The following C10orf67 variants were observed in gnomAD, a reference collection of about 807,000 sequenced individuals.
The protein encoded by C10orf67 is uncharacterized protein C10orf67, mitochondrial.
A neutral mutation model predicts 35.6 loss-of-function variants in C10orf67; 60 were observed. The ratio of observed to expected loss-of-function variants is 1.68; its 90% CI spans 1.37 to 2.09. The LOEUF (loss-of-function observed/expected upper bound fraction) is 2.09. Ranked by LOEUF, C10orf67 falls within the 30% of genes most tolerant of loss-of-function variation. The pLI is 0.00. For missense variants in C10orf67, 474 were observed against 330.2 expected, an observed-to-expected ratio of 1.44 and a Z score of -3.38; for synonymous variants, 167 against 115.8, an observed-to-expected ratio of 1.44 and a Z score of -2.84.
chr10:23,219,116 G>T (rs1841508686), intron 15 of C10orf67, among the ~76,000 whole-genome samples: 1 of 152,132 alleles, frequency 6.6e-6, no homozygotes, highest in East Asian at 1.9e-4. Flanking sequence ...TAAAAAGAAA[G>T]ATTTTAAATT....
intron 13 of C10orf67, among the ~76,000 whole-genome samples, chr10:23,226,054 T>C (rs1450266087): frequency 2.0e-5 from 3 of 151,962 alleles, no homozygotes; most frequent in Admixed American, 1.3e-4. Context: ...AACAAGGATA[T>C]CCAGGAATTG....
intron 12 of C10orf67, among the ~76,000 whole-genome samples, chr10:23,249,530 C>A (rs1299444626): frequency 2.0e-5 from 3 of 152,148 alleles, no homozygotes; most frequent in Non-Finnish European, 4.4e-5. Flanking sequence ...GGTGTTTTTG[C>A]CCTGAATCCT....
intron 4 of C10orf67, among the ~76,000 whole-genome samples, chr10:23,308,956 C>T (rs1465299037): frequency 6.6e-6 from 1 of 152,040 alleles, no homozygotes; most frequent in Admixed American, 6.5e-5. Context: ...ACCTTCCACC[C>T]CTATGTCCTT....
chr10:23,320,506 G>A (rs1169948414), intron 4 of C10orf67, among the ~76,000 whole-genome samples: 1 of 152,150 alleles, frequency 6.6e-6, no homozygotes, highest in Non-Finnish European at 1.5e-5. Flanking sequence ...GGATTACTTT[G>A]GTACATGCCC....
chr10:23,332,904 T>C (rs1240554594), intron 2 of C10orf67, among the ~76,000 whole-genome samples, 158 bp downstream of exon 2: 1 of 152,238 alleles, frequency 6.6e-6, no homozygotes, highest in Non-Finnish European at 1.5e-5. Context: ...TAGTAGCTTA[T>C]ATTAATAATT....
At chr10:23,336,459 T>C (rs893584405) in intron 1 of C10orf67, among the ~76,000 whole-genome samples, 2 of 152,182 alleles carry the variant, frequency 1.3e-5, no homozygotes, top group African/African-American at 4.8e-5. Context: ...GGCACTCCAG[T>C]AGTGATGAGC....
intron 8 of C10orf67, among the ~76,000 whole-genome samples, chr10:23,280,207 T>A (rs557529648): frequency 8.5e-5 from 13 of 152,316 alleles, no homozygotes; most frequent in Admixed American, 3.9e-4. Flanking sequence ...CTTTGACTTT[T>A]TGCACTCTTA....
chr10:23,220,205 T>G (rs546561706), intron 15 of C10orf67, among the ~76,000 whole-genome samples: 1 of 152,154 alleles, frequency 6.6e-6, no homozygotes, highest in Non-Finnish European at 1.5e-5. Context: ...TTAGCTGTTT[T>G]AATTTATTAG....
At chr10:23,343,488 T>C (rs2132429307) in intron 1 of C10orf67, among the ~76,000 whole-genome samples, 1 of 152,322 alleles carries the variant, frequency 6.6e-6, no homozygotes, top group East Asian at 1.9e-4. Context: ...CCAGCCTATG[T>C]TGTTTTGTTA....
At chr10:23,303,027 C>T (rs1312791675) in intron 5 of C10orf67, among the ~76,000 whole-genome samples, 1 of 152,190 alleles carries the variant, frequency 6.6e-6, no homozygotes, top group African/African-American at 2.4e-5. Flanking sequence ...TAGAGTAGGA[C>T]ATTTTTTGCA....
intron 12 of C10orf67, among the ~76,000 whole-genome samples, chr10:23,242,352 A>G (rs1017521364): frequency 4.6e-5 from 7 of 152,244 alleles, no homozygotes; most frequent in African/African-American, 1.7e-4. Flanking sequence ...TAATGAAGAT[A>G]AAATAATGAC....
chr10:23,206,647 A>T (rs1171781323), intron 15 of C10orf67, among the ~76,000 whole-genome samples: 2 of 152,182 alleles, frequency 1.3e-5, no homozygotes, highest in East Asian at 3.8e-4. Context: ...GGTGGGCCTG[A>T]TTTGGTAAAT....
At chr10:23,303,914 G>A (rs982608098) in intron 4 of C10orf67, among the ~76,000 whole-genome samples, 2 of 152,170 alleles carry the variant, frequency 1.3e-5, no homozygotes, top group Non-Finnish European at 2.9e-5. Flanking sequence ...TGACTGGCAG[G>A]CTGCACCTAG....
intron 4 of C10orf67, among the ~76,000 whole-genome samples, chr10:23,305,856 C>A (rs771669015): frequency 1.3e-5 from 2 of 152,046 alleles, no homozygotes; most frequent in Non-Finnish European, 2.9e-5. Flanking sequence ...AAATCATGAT[C>A]TTAAAGATAT....
chr10:23,244,189 C>A (rs1842256319), intron 12 of C10orf67, among the ~76,000 whole-genome samples: 2 of 152,140 alleles, frequency 1.3e-5, no homozygotes, highest in Non-Finnish European at 2.9e-5. Context: ...CTGTGCCCAG[C>A]CCATATTACT....
At chr10:23,282,834 C>G (rs185592400) in intron 7 of C10orf67, among the ~76,000 whole-genome samples, 117 of 152,036 alleles carry the variant, frequency 7.7e-4, no homozygotes, top group African/African-American at 2.7e-3. Flanking sequence ...TTAAACAAAC[C>G]AACCATTTAT....
intron 8 of C10orf67, among the ~76,000 whole-genome samples, chr10:23,268,044 T>C (rs953292501): frequency 6.6e-6 from 1 of 152,130 alleles, no homozygotes; most frequent in East Asian, 1.9e-4. Context: ...TCCCAACACT[T>C]TGGGAGGCTG....
Position 23,337,333 on chromosome 10 carries a change from A to C in C10orf67, c.207-4151T>G, listed in dbSNP as rs1210187576. 4.6e-5 allele frequency among the ~76,000 whole-genome samples: 7 copies of C among 152,322 alleles called. No individual in the cohort carries two copies. In the East Asian group the frequency reaches 1.2e-3, roughly 25 times the overall value. ...TGGGTCACTTGAGCTTAGGAGTTCG[A>C]GACCAGCCTGGCCAACATGGCGAGA... On this transcript the variant is annotated intron_variant, in intron 1 of 15. Transcript: ENST00000636213.
At chr10:23,315,848 A>G (rs1844685421) in intron 4 of C10orf67, among the ~76,000 whole-genome samples, 1 of 151,666 alleles carries the variant, frequency 6.6e-6, no homozygotes, top group Admixed American at 6.6e-5. Context: ...AGACAGGGTC[A>G]TGCTCCGTCA....
Sources: gnomAD v4.1 joint callset for allele counts (sites outside exome capture counted in the v4.1 genomes callset) on GRCh38, gnomAD v4.1.1 for gene constraint, MANE v1.5 for transcripts, NCBI Gene and HGNC (gene_info 2026-07-23, HGNC 2026-07-21) for gene names.